Variants in SGK1 observed in about 807,000 individuals in gnomAD.
SGK1 encodes serine/threonine-protein kinase Sgk1.
In SGK1, 26 loss-of-function variants were observed where a neutral mutation model predicts 64.2. The observed-to-expected ratio is 0.40, with a 90% CI of 0.30 to 0.56. The LOEUF (loss-of-function observed/expected upper bound fraction) is 0.56. Ranked by LOEUF, SGK1 falls within the 20% of genes least tolerant of loss-of-function variation. The probability of loss-of-function intolerance (pLI) is 0.38; values close to 1 mark genes in which losing one functional copy is unlikely to be tolerated. For synonymous variants in SGK1, 265 were observed against 239.7 expected, an observed-to-expected ratio of 1.11 and a Z score of -0.98; for missense variants, 519 against 645.6, an observed-to-expected ratio of 0.80 and a Z score of 2.12.
chr6:134,316,615 T>C (rs1274413175), intron 1 of SGK1, among the ~76,000 whole-genome samples: 1 of 151,964 alleles, frequency 6.6e-6, no homozygotes, highest in African/African-American at 2.4e-5. Flanking sequence ...AAATCCTTTT[T>C]TCTCACCTAC....
intron 3 of SGK1, among the ~76,000 whole-genome samples, chr6:134,183,919 C>T (rs1055317546): frequency 7.5e-6 from 1 of 133,074 alleles, no homozygotes; most frequent in African/African-American, 2.8e-5. Context: ...TTATTTAAAT[C>T]TCAGGTGTTT....
At chr6:134,249,059 C>T (rs1363571967) in intron 2 of SGK1, among the ~76,000 whole-genome samples, 1 of 152,036 alleles carries the variant, frequency 6.6e-6, no homozygotes, top group Admixed American at 6.6e-5. Flanking sequence ...TTATGCTTTC[C>T]CAAACCTGGA....
intron 3 of SGK1, among the ~76,000 whole-genome samples, chr6:134,185,418 C>T (rs1052195564): frequency 5.9e-5 from 9 of 152,146 alleles, no homozygotes; most frequent in Admixed American, 5.9e-4. Flanking sequence ...CAGTCCCAGC[C>T]TGGACAAAGT....
chr6:134,175,007 TG>T (rs1157171522), intron 3 of SGK1: 1 of 1,112,178 alleles, frequency 9.0e-7, no homozygotes, highest in African/African-American at 1.6e-5. Context: ...CTACGCTGCC[TG>T]CGGCGGGCGG....
intron 2 of SGK1, among the ~76,000 whole-genome samples, chr6:134,208,888 A>ATGTG (rs201755382): frequency 3.8e-5 from 2 of 51,992 alleles, no homozygotes; most frequent in African/African-American, 8.5e-5. Flanking sequence ...ACATACATGT[A>ATGTG]TGTGTGTGTA....
At chr6:134,266,182 G>A (rs1306027619) in intron 1 of SGK1, among the ~76,000 whole-genome samples, 2 of 150,042 alleles carry the variant, frequency 1.3e-5, no homozygotes, top group Non-Finnish European at 3.0e-5. Context: ...ACGGGGTTTT[G>A]CTATGTTGGC....
Position 134,178,953 on chromosome 6 carries a change from T to C in SGK1, c.362-4367A>G, listed in dbSNP as rs35938475. ...GTTTCCCAGTGCATGTGCATTTTAA[T>C]GCTTCAGAAAAAATTTTTTCACTCT... On this transcript the variant is annotated intron_variant, in intron 3 of 13. Transcript: ENST00000367858. Among the ~76,000 whole-genome samples, 1,398 of 152,174 alleles carry C rather than the reference T, an allele frequency of 9.2e-3. 11 individuals are homozygous for C. The highest frequency in any genetic ancestry group is 0.024 in the Middle Eastern group (7 of 294).
At position 134,170,886 on chromosome 6, in the gene SGK1, G is replaced by C; in HGVS notation, c.1353C>G (p.Ser451=). ...TAATGAGATCATCCCAGTTAATTAA[G>C]GAGAAGAAGACATGACTCTTAATCT... is the stretch of plus-strand genomic sequence containing the variant. ...FMEIKSHVFF[S]LINWDDLINK... The change falls in exon 13 of 14, where the codon TCC becomes TCG. Residue 451 remains serine (S), a synonymous_variant. Transcript: ENST00000367858. 3 of 1,612,356 alleles carry C rather than the reference G, an allele frequency of 1.9e-6. No homozygotes were observed. The highest frequency in any genetic ancestry group is 2.5e-6 in the Non-Finnish European group (3 of 1,178,434).
rs538749546 is a variant in SGK1, at chr6:134,174,976, C to T, written c.362-390G>A. 2.1e-4 allele frequency: 267 copies of T among 1,294,186 alleles called. No homozygotes were observed. The African/African-American group carries it at 3.6e-3, about 17-fold the overall frequency. The allele number at this position is 1,294,186 out of a possible 1,614,324, so 80.2% of individuals were successfully genotyped here. On this transcript the variant is annotated intron_variant, in intron 3 of 13. Coordinates refer to ENST00000367858, the MANE Select transcript of SGK1 (RefSeq NM_001143676.3). ...GCCTCGCCCCTCGCCCCGCCCCGGC[C>T]GCCTCGCGGTTTGCTGGCGGCTACG...
chr6:134,175,882 A>G, intron 3 of SGK1: 2 of 1,150,958 alleles, frequency 1.7e-6, no homozygotes, highest in Middle Eastern at 3.6e-4. Context: ...TTGGAAGAGG[A>G]GGAAGGAAGG....
chr6:134,277,816 T>C (rs1246887942), intron 1 of SGK1, among the ~76,000 whole-genome samples: 16 of 152,210 alleles, frequency 1.1e-4, no homozygotes, highest in African/African-American at 2.4e-5. Context: ...AAACAGCAAG[T>C]ATAATATTGT....
intron 2 of SGK1, chr6:134,260,392 G>T (rs1028088611): frequency 8.3e-6 from 1 of 120,438 alleles, no homozygotes; most frequent in African/African-American, 3.1e-5. Context: ...CAAAAAAAGG[G>T]CCGGCGTAGT....
intron 3 of SGK1, among the ~76,000 whole-genome samples, chr6:134,196,356 G>A (rs567397919): frequency 2.0e-5 from 3 of 152,004 alleles, no homozygotes; most frequent in Admixed American, 2.0e-4. Context: ...ATGAGCCACC[G>A]TGCCTGGCCA....
intron 1 of SGK1, chr6:134,298,418 T>TC (rs1777395130): frequency 9.8e-7 from 1 of 1,024,394 alleles, no homozygotes; most frequent in Admixed American, 1.7e-5. Context: ...GTCTTGATCT[T>TC]CCCCTTCTTT....
At chr6:134,195,043 T>G (rs1233457012) in intron 3 of SGK1, among the ~76,000 whole-genome samples, 1 of 152,220 alleles carries the variant, frequency 6.6e-6, no homozygotes, top group African/African-American at 2.4e-5. Context: ...AATATGAAGT[T>G]GCATTTCATA....
chr6:134,217,886 T>G (rs4895398), intron 2 of SGK1, among the ~76,000 whole-genome samples: 125,109 of 152,144 alleles, frequency 0.82, 51,945 homozygotes, highest in East Asian at 0.98. Context: ...CATTCTTTTT[T>G]ATTTTGATAT....
chr6:134,257,236 G>A (rs7750116), intron 2 of SGK1: 15,077 of 152,386 alleles, frequency 0.099, 965 homozygotes, highest in African/African-American at 0.18. Context: ...AGACCAGCCT[G>A]ACCAACATGG....
rs1775082914 is a variant in SGK1, at chr6:134,173,038, G to A, written c.819C>T (p.Tyr273=). ...TADKLYFVLD[Y]INGGELFYHL... ...CCCTGCTCACCTCTCCACCATTAAT[G>A]TAGTCTAGGACAAAGTACAATTTGT... is the stretch of plus-strand genomic sequence containing the variant. Residue 273 remains tyrosine (Y), a synonymous_variant, in exon 8 of 14, where the codon TAC becomes TAT. Transcript: ENST00000367858. 1 of 1,613,630 alleles carries A rather than the reference G, an allele frequency of 6.2e-7. No homozygotes were observed. Among genetic ancestry groups the A allele is most frequent in the Non-Finnish European group, 8.5e-7 (1 of 1,179,746 alleles).
At position 134,304,316 on chromosome 6, in the gene SGK1, G is replaced by A. The variant is rs1270033893; in HGVS notation, c.69+13076C>T. Among the ~76,000 whole-genome samples the A allele has an allele frequency of 4.6e-5, 7 of 152,270 alleles. No homozygotes were observed. The East Asian group carries it at 1.4e-3, about 29-fold the overall frequency. On this transcript the variant is annotated intron_variant, in intron 1 of 13. Coordinates refer to ENST00000367858, the MANE Select transcript of SGK1 (RefSeq NM_001143676.3). ...CATCAAATTCTGGGTAGTTTGCTTT[G>A]CAATAATAGTAACATAAATTTAGTA...
Sources: gnomAD v4.1 joint callset for allele counts (sites outside exome capture counted in the v4.1 genomes callset) on GRCh38, gnomAD v4.1.1 for gene constraint, MANE v1.5 for transcripts, NCBI Gene and HGNC (gene_info 2026-07-23, HGNC 2026-07-21) for gene names.